The following NPAS3 variants were observed in gnomAD, a reference collection of about 807,000 sequenced individuals.
The protein encoded by NPAS3 is neuronal PAS domain-containing protein 3.
NPAS3 carries 14 observed loss-of-function variants against 73.1 expected under a neutral mutation model. That is an observed-to-expected ratio of 0.19 (90% CI 0.13 to 0.30). The LOEUF (loss-of-function observed/expected upper bound fraction) is 0.30. Ranked by LOEUF, NPAS3 falls within the 10% of genes least tolerant of loss-of-function variation. NPAS3 has a pLI of 1.00. For missense variants in NPAS3, 1,096 were observed against 1,250.0 expected (o/e 0.88, Z 1.86); for synonymous variants, 620 against 541.5 (o/e 1.14, Z -2.01).
chr14:33,560,302 T>C (rs2055578541), intron 5 of NPAS3, 92 bp downstream of exon 5: 1 of 654,342 alleles, frequency 1.5e-6, no homozygotes, highest in African/African-American at 1.8e-5. Context: ...CTGTTTAGCA[T>C]GAATTATCAA....
chr14:33,058,479 A>G (rs187010707), intron 2 of NPAS3, among the ~76,000 whole-genome samples: 13 of 152,324 alleles, frequency 8.5e-5, no homozygotes, highest in Admixed American at 5.9e-4. Flanking sequence ...CTCAGTAATT[A>G]CTAGTAGATA....
intron 4 of NPAS3, among the ~76,000 whole-genome samples, chr14:33,464,807 T>C (rs757195850): frequency 6.6e-6 from 1 of 152,206 alleles, no homozygotes; most frequent in Non-Finnish European, 1.5e-5. Context: ...AAGCCCTTTG[T>C]TCAGAGAACT....
intron 4 of NPAS3, among the ~76,000 whole-genome samples, chr14:33,505,123 C>G (rs2052695197): frequency 6.6e-6 from 1 of 151,962 alleles, no homozygotes; most frequent in Admixed American, 6.6e-5. Context: ...ATATCATGGT[C>G]AGAGCATTCT....
At chr14:33,481,500 C>T (rs1165670023) in intron 4 of NPAS3, among the ~76,000 whole-genome samples, 1 of 152,162 alleles carries the variant, frequency 6.6e-6, no homozygotes, top group East Asian at 1.9e-4. Flanking sequence ...CTTTCTTCAC[C>T]TCTCTAAGAG....
chr14:33,522,451 G>A (rs2053598635), intron 4 of NPAS3, among the ~76,000 whole-genome samples: 1 of 151,988 alleles, frequency 6.6e-6, no homozygotes, highest in South Asian at 2.1e-4. Flanking sequence ...AATAACTGTA[G>A]CAGCATAGCA....
intron 5 of NPAS3, among the ~76,000 whole-genome samples, chr14:33,613,149 T>A (rs574103553): frequency 6.6e-6 from 1 of 152,136 alleles, no homozygotes; most frequent in African/African-American, 2.4e-5. Context: ...GACAGAGAGA[T>A]TGAGTAGCCC....
rs550019281 is a variant in NPAS3 at position 33,313,816 on chromosome 14, A to G, written c.386-53370A>G. Among the ~76,000 whole-genome samples the G allele has an allele frequency of 9.2e-5, 14 of 152,206 alleles. No homozygotes were observed. In the East Asian group the frequency reaches 2.7e-3, roughly 29 times the overall value. ...ATGTTCACTTTGGGATTTCGAAAAT[A>G]GCAATCTCTATAATCGTGACATATT... On this transcript the variant is annotated intron_variant, in intron 3 of 11. Coordinates refer to ENST00000356141, the Ensembl canonical transcript of NPAS3.
intron 6 of NPAS3, among the ~76,000 whole-genome samples, chr14:33,720,303 C>G (rs1447018094): frequency 1.3e-5 from 2 of 152,098 alleles, no homozygotes; most frequent in East Asian, 3.9e-4. Context: ...CGGTGATCAG[C>G]AATGGGCCTT....
chr14:33,215,538 G>A, intron 3 of NPAS3, 112 bp downstream of exon 3: 2 of 1,208,856 alleles, frequency 1.7e-6, no homozygotes, highest in Non-Finnish European at 2.5e-6. Context: ...CCTTTAAAGG[G>A]ATACAAATGT....
intron 2 of NPAS3, among the ~76,000 whole-genome samples, chr14:33,106,432 G>C (rs1207029904): frequency 6.6e-6 from 1 of 152,150 alleles, no homozygotes; most frequent in Non-Finnish European, 1.5e-5. Flanking sequence ...GAGTCAAGCT[G>C]ATCCTAAACT....
chr14:33,220,440 A>G (rs2047382073), intron 3 of NPAS3, among the ~76,000 whole-genome samples: 1 of 152,166 alleles, frequency 6.6e-6, no homozygotes, highest in Non-Finnish European at 1.5e-5. Context: ...AAGGCTTTTT[A>G]ATTATATGCT....
intron 2 of NPAS3, among the ~76,000 whole-genome samples, chr14:33,069,750 G>T (rs1293031950): frequency 1.3e-5 from 2 of 152,160 alleles, no homozygotes; most frequent in Admixed American, 1.3e-4. Context: ...ACTCAAAAAA[G>T]TTAGTGCTGT....
intron 5 of NPAS3, among the ~76,000 whole-genome samples, chr14:33,660,071 G>A (rs1163464200): frequency 6.6e-6 from 1 of 151,972 alleles, no homozygotes; most frequent in African/African-American, 2.4e-5. Context: ...ATCACAAGAG[G>A]GACAGACTTT....
chr14:33,663,576 A>G (rs2059369591), intron 5 of NPAS3, among the ~76,000 whole-genome samples: 1 of 151,890 alleles, frequency 6.6e-6, no homozygotes, highest in African/African-American at 2.4e-5. Context: ...TGAGTTAGGG[A>G]GGAGTCTCTC....
intron 4 of NPAS3, among the ~76,000 whole-genome samples, chr14:33,382,342 C>T (rs553910916): frequency 3.9e-5 from 6 of 152,190 alleles, no homozygotes; most frequent in East Asian, 1.9e-4. Flanking sequence ...TTATTTCAAT[C>T]GATACCTAAA....
Position 33,694,920 on chromosome 14 carries a change from G to A in NPAS3, c.733+18535G>A, listed in dbSNP as rs150196403. Among the ~76,000 whole-genome samples the A allele has an allele frequency of 1.1e-3, 171 of 152,192 alleles. 2 individuals carry two copies. The highest frequency in any genetic ancestry group is 4.0e-3 in the African/African-American group (166 of 41,542). ...GGTAGAAGCCTCTTTGTAGCTTCAT[G>A]TACATCTCCTACCATCATGTATATG... On this transcript the variant is annotated intron_variant, in intron 6 of 11. Transcript: ENST00000356141.
At chr14:33,189,565 A>G (rs2046096542) in intron 2 of NPAS3, among the ~76,000 whole-genome samples, 1 of 152,198 alleles carries the variant, frequency 6.6e-6, no homozygotes, top group African/African-American at 2.4e-5. Context: ...CAAAAGAAGG[A>G]TATTTTACTA....
chr14:33,013,594 C>T (rs2039289028), intron 1 of NPAS3, among the ~76,000 whole-genome samples: 1 of 152,080 alleles, frequency 6.6e-6, no homozygotes, highest in African/African-American at 2.4e-5. Context: ...ACTTTTTATA[C>T]ATCTATACAT....
intron 2 of NPAS3, among the ~76,000 whole-genome samples, chr14:33,109,335 G>A (rs1938863311): frequency 6.6e-6 from 1 of 152,054 alleles, no homozygotes; most frequent in African/African-American, 2.4e-5. Flanking sequence ...AGCTTACAGG[G>A]TTTTTTGGTT....
Sources: allele counts gnomAD v4.1 joint callset (sites outside exome capture counted in the v4.1 genomes callset), GRCh38; gene constraint gnomAD v4.1.1; transcripts MANE v1.5; gene names NCBI Gene and HGNC (gene_info 2026-07-23, HGNC 2026-07-21).